FGF12: variants seen among roughly 807,000 people sequenced by gnomAD.
FGF12 encodes the protein fibroblast growth factor 12, also known as fibroblast growth factor 12B.
Under a neutral mutation model 23.6 loss-of-function variants are expected in FGF12, and 14 were observed. That is an observed-to-expected ratio of 0.59 (90% CI 0.39 to 0.93). The LOEUF is 0.93. FGF12 is among the 40% of genes least tolerant of loss of function. FGF12 has a pLI of 0.00. For missense variants in FGF12, 175 were observed against 217.8 expected, an observed-to-expected ratio of 0.80 and a Z score of 1.24; for synonymous variants, 62 against 77.3, an observed-to-expected ratio of 0.80 and a Z score of 1.04.
intron 4 of FGF12, among the ~76,000 whole-genome samples, chr3:192,212,101 C>G (rs1209666905): frequency 6.6e-6 from 1 of 152,152 alleles, no homozygotes; most frequent in East Asian, 1.9e-4. Flanking sequence ...AACACTGTCA[C>G]TTATACAGAC....
intron 3 of FGF12, among the ~76,000 whole-genome samples, chr3:192,354,688 G>C (rs1424232451): frequency 3.3e-5 from 5 of 152,084 alleles, no homozygotes; most frequent in Non-Finnish European, 5.9e-5. Flanking sequence ...AAAGAACCAA[G>C]TTTTTTGTTT....
At chr3:192,431,338 A>C (rs1482306132) in intron 2 of FGF12, among the ~76,000 whole-genome samples, 2 of 152,206 alleles carry the variant, frequency 1.3e-5, no homozygotes, top group Non-Finnish European at 2.9e-5. Flanking sequence ...TCAAAATAGA[A>C]AGGAGCTGAT....
intron 2 of FGF12, among the ~76,000 whole-genome samples, chr3:192,513,295 G>A (rs896868994): frequency 1.3e-5 from 2 of 152,082 alleles, no homozygotes; most frequent in Non-Finnish European, 2.9e-5. Context: ...GGTATGATGC[G>A]TTTTAGTACT....
intron 4 of FGF12, among the ~76,000 whole-genome samples, chr3:192,199,041 T>C (rs1252741820): frequency 6.6e-6 from 1 of 152,242 alleles, no homozygotes; most frequent in Non-Finnish European, 1.5e-5. Flanking sequence ...CTAATTTAGC[T>C]CTTCTCAGCA....
chr3:192,623,744 C>G, intron 2 of FGF12, among the ~76,000 whole-genome samples: 1 of 152,082 alleles, frequency 6.6e-6, no homozygotes, highest in Non-Finnish European at 1.5e-5. Context: ...AGAAAATCAG[C>G]CAGAGACCAA....
intron 4 of FGF12, among the ~76,000 whole-genome samples, chr3:192,235,233 T>A (rs1719225909): frequency 6.6e-6 from 1 of 152,226 alleles, no homozygotes; most frequent in Non-Finnish European, 1.5e-5. Context: ...GTTATTGGCC[T>A]GTTCAGGATT....
chr3:192,383,662 G>A (rs1719923072), intron 2 of FGF12, among the ~76,000 whole-genome samples: 1 of 152,106 alleles, frequency 6.6e-6, no homozygotes, highest in Non-Finnish European at 1.5e-5. Context: ...GTGCAAAGGT[G>A]TTTAGGTTTT....
chr3:192,514,838 A>G lies in FGF12; in HGVS notation c.14-154300T>C, dbSNP rs1365298492. On this transcript the variant is annotated intron_variant, in intron 2 of 5. Transcript: ENST00000445105. The surrounding 1 kb of genome is among the most constrained non-coding windows in gnomAD (Gnocchi z 4.9). ...AACCAACAGGCGGCCTGTCTTCGGA[A>G]GCCGGGTCCCGAGTCCATCGCGCGC... 4 of 985,218 alleles carry G rather than the reference A, an allele frequency of 4.1e-6. No homozygotes were observed. The East Asian group carries it at 3.4e-4, about 84-fold the overall frequency. 61.0% of individuals were successfully genotyped at this position (985,218 alleles called of 1,614,324 possible).
intron 4 of FGF12, among the ~76,000 whole-genome samples, chr3:192,283,673 T>C (rs570566870): frequency 1.3e-5 from 2 of 152,166 alleles, no homozygotes; most frequent in South Asian, 4.1e-4. Context: ...TCCTCCTACA[T>C]CTTTATTCCA....
In FGF12 at chr3:192,144,139, A is replaced by T. The variant is rs181770070; in HGVS notation, c.428-12T>A. On this transcript the variant is annotated splice_polypyrimidine_tract_variant and intron_variant, in intron 5 of 5. Transcript: ENST00000445105. The stretch of plus-strand genomic sequence containing the variant: ...TCTGTACATACACACTGAAAGGCAA[A>T]ATAACAAAAATTACTTATGACAGTG... 3 of 1,497,062 alleles carry T rather than the reference A, an allele frequency of 2.0e-6. No individual in the cohort carries two copies. The East Asian group carries it at 6.8e-5, about 34-fold the overall frequency. 92.7% of individuals were successfully genotyped at this position (1,497,062 alleles called of 1,614,324 possible). A position where few individuals can be genotyped will look rare whatever the true frequency, so the allele number is the denominator to read the frequency against.
intron 4 of FGF12, among the ~76,000 whole-genome samples, chr3:192,307,045 G>A (rs1421895516): frequency 6.6e-6 from 1 of 152,150 alleles, no homozygotes; most frequent in African/African-American, 2.4e-5. Context: ...GTATTTAAAT[G>A]TGATCAACAA....
chr3:192,624,207 AT>A (rs1332787338), intron 2 of FGF12, among the ~76,000 whole-genome samples: 1 of 152,166 alleles, frequency 6.6e-6, no homozygotes, highest in Admixed American at 6.5e-5. Flanking sequence ...AAAAAAAAAA[AT>A]CCCACATGAA....
intron 4 of FGF12, among the ~76,000 whole-genome samples, chr3:192,315,186 C>T (rs958127633): frequency 6.6e-5 from 10 of 152,184 alleles, no homozygotes; most frequent in African/African-American, 1.7e-4. Context: ...GTGGAGCATG[C>T]TGCACTCCGT....
At chr3:192,365,415 A>AT (rs1217790148) in intron 2 of FGF12, among the ~76,000 whole-genome samples, 2 of 152,146 alleles carry the variant, frequency 1.3e-5, no homozygotes, top group African/African-American at 4.8e-5. Flanking sequence ...GTAAAAATGA[A>AT]GGAAATCTGA....
chr3:192,169,803 C>T (rs574516413), intron 5 of FGF12, among the ~76,000 whole-genome samples: 1 of 147,538 alleles, frequency 6.8e-6, no homozygotes, highest in South Asian at 2.2e-4. Flanking sequence ...TCTGAGGGAA[C>T]ATAGCCTAGC....
At chr3:192,668,677 T>C (rs1716988790) in intron 2 of FGF12, among the ~76,000 whole-genome samples, 1 of 152,136 alleles carries the variant, frequency 6.6e-6, no homozygotes, top group African/African-American at 2.4e-5. Context: ...TTTGGAGCTG[T>C]GCATCGTGTA....
chr3:192,530,621 T>C (rs1411063845), intron 2 of FGF12, among the ~76,000 whole-genome samples: 1 of 152,220 alleles, frequency 6.6e-6, no homozygotes, highest in Non-Finnish European at 1.5e-5. Context: ...ATTGGACTTT[T>C]AGTAGAAAGC....
At chr3:192,398,555 G>A (rs1720626094) in intron 2 of FGF12, among the ~76,000 whole-genome samples, 1 of 151,810 alleles carries the variant, frequency 6.6e-6, no homozygotes, top group Non-Finnish European at 1.5e-5. Context: ...GACTAATTTT[G>A]TATTTTAGTA....
At chr3:192,522,655 G>A (rs1177964531) in intron 2 of FGF12, among the ~76,000 whole-genome samples, 4 of 152,042 alleles carry the variant, frequency 2.6e-5, no homozygotes, top group Non-Finnish European at 5.9e-5. Context: ...CAAAGTAGTC[G>A]GTACAACATT....
Sources: allele counts gnomAD v4.1 joint callset (sites outside exome capture counted in the v4.1 genomes callset), GRCh38; gene constraint gnomAD v4.1.1; non-coding constraint Gnocchi (gnomAD v3.1); transcripts MANE v1.5; gene names NCBI Gene and HGNC (gene_info 2026-07-23, HGNC 2026-07-21).